MED13L: variants seen among roughly 807,000 people sequenced by gnomAD.
MED13L encodes mediator of RNA polymerase II transcription subunit 13-like.
MED13L carries 7 observed loss-of-function variants against 220.9 expected under a neutral mutation model. That is an observed-to-expected ratio of 0.03 (90% confidence interval 0.02 to 0.06). MED13L has a LOEUF of 0.06. Ranked by LOEUF, MED13L falls within the 10% of genes least tolerant of loss-of-function variation. The probability of loss-of-function intolerance (pLI) is 1.00; values close to 1 mark genes in which losing one functional copy is unlikely to be tolerated. For synonymous variants in MED13L, 1,011 were observed against 1,015.2 expected, an observed-to-expected ratio of 1.00 and a Z score of 0.08; for missense variants, 1,965 against 2,760.5, an observed-to-expected ratio of 0.71 and a Z score of 6.46.
At position 116,226,356 on chromosome 12, in the gene MED13L, CA is replaced by C. The variant is rs1277329955; in HGVS notation, c.310+11111del. Among the ~76,000 whole-genome samples, 4 of 152,156 alleles carry C rather than the reference CA, an allele frequency of 2.6e-5. No individual in the cohort carries two copies. In the East Asian group the frequency reaches 7.7e-4, roughly 29 times the overall value. On this transcript the variant is annotated intron_variant, in intron 2 of 30. Coordinates refer to ENST00000281928, the MANE Select transcript of MED13L (RefSeq NM_015335.5). ...ACAAGACCCAATTATACTAAGAGTG[CA>C]TTTTATCAACGTCGGGTTTATAACA...
At chr12:116,057,498 TTC>T (rs1869076139) in intron 4 of MED13L, among the ~76,000 whole-genome samples, 1 of 151,746 alleles carries the variant, frequency 6.6e-6, no homozygotes, top group African/African-American at 2.4e-5. Context: ...TGGCAGAATA[TTC>T]TGTCATCAGC....
chr12:116,276,586 G>C (rs1873858489), intron 1 of MED13L: 1 of 1,221,506 alleles, frequency 8.2e-7, no homozygotes. Flanking sequence ...CGAAATTGCA[G>C]GTGTCATTAT....
At chr12:116,134,328 A>T (rs1424276050) in intron 2 of MED13L, among the ~76,000 whole-genome samples, 3 of 152,228 alleles carry the variant, frequency 2.0e-5, no homozygotes, top group Admixed American at 6.5e-5. Flanking sequence ...TCATTTTAGA[A>T]AGCACATTAT....
At chr12:116,100,598 C>CAA (rs760855189) in intron 3 of MED13L, among the ~76,000 whole-genome samples, 137 of 67,554 alleles carry the variant, frequency 2.0e-3, no homozygotes, top group East Asian at 4.5e-3. Flanking sequence ...GACTCCGTCT[C>CAA]AAAAAAAAAA....
intron 2 of MED13L, among the ~76,000 whole-genome samples, chr12:116,151,040 G>A (rs1877996373): frequency 6.6e-6 from 1 of 152,032 alleles, no homozygotes; most frequent in Admixed American, 6.6e-5. Flanking sequence ...CTCCCCAGAG[G>A]TCTATCACAA....
At chr12:116,253,770 T>G (rs1019817732) in intron 1 of MED13L, among the ~76,000 whole-genome samples, 2 of 142,192 alleles carry the variant, frequency 1.4e-5, no homozygotes, top group South Asian at 2.3e-4. Flanking sequence ...TTTTTTTTTT[T>G]TTTTTTTTTG....
chr12:115,996,995 T>C lies in MED13L; in HGVS notation c.2790+15A>G. The C allele has an allele frequency of 6.2e-7, 1 of 1,603,094 alleles. No individual in the cohort carries two copies. ...AACTGCTCTGCCCTGGAAATGTTAA[T>C]ATATTGACAACTACCTTAATTTCCT... On this transcript the variant is annotated intron_variant, in intron 15 of 30. Transcript: ENST00000281928.
chr12:116,044,539 AAC>A (rs1881720308), intron 4 of MED13L, among the ~76,000 whole-genome samples: 1 of 152,198 alleles, frequency 6.6e-6, no homozygotes, highest in Admixed American at 6.5e-5. Context: ...AACTCCTAAG[AAC>A]ACACAACAGC....
chr12:116,129,395 C>T (rs573243039), intron 2 of MED13L, among the ~76,000 whole-genome samples: 1 of 152,234 alleles, frequency 6.6e-6, no homozygotes, highest in African/African-American at 2.4e-5. Flanking sequence ...ATCCTTCAGT[C>T]TAGAAAAAGC....
chr12:115,978,427 A>C (rs1877103289), intron 23 of MED13L, among the ~76,000 whole-genome samples: 1 of 151,338 alleles, frequency 6.6e-6, no homozygotes, highest in South Asian at 2.1e-4. Context: ...CATGGATTCA[A>C]GCAATTCTCC....
At chr12:116,158,721 AC>A (rs1220785893) in intron 2 of MED13L, among the ~76,000 whole-genome samples, 16 of 152,326 alleles carry the variant, frequency 1.1e-4, no homozygotes, top group African/African-American at 3.6e-4. Context: ...TGCTCATGTG[AC>A]TAGCATTGTG....
chr12:116,217,603 GC>G (rs1485330976), intron 2 of MED13L, among the ~76,000 whole-genome samples: 1 of 152,114 alleles, frequency 6.6e-6, no homozygotes, highest in East Asian at 1.9e-4. Flanking sequence ...CTTTGAAGAG[GC>G]AAAAACACGA....
chr12:116,038,688 T>G (rs913500197), intron 4 of MED13L, among the ~76,000 whole-genome samples: 1 of 131,762 alleles, frequency 7.6e-6, no homozygotes, highest in African/African-American at 2.9e-5. Context: ...TCCAACATGC[T>G]GCCCTTCATC....
intron 2 of MED13L, among the ~76,000 whole-genome samples, chr12:116,168,790 A>G (rs1879469206): frequency 1.3e-5 from 2 of 152,218 alleles, no homozygotes; most frequent in Non-Finnish European, 2.9e-5. Context: ...GGATCCCTTT[A>G]TAACTCTTAA....
chr12:116,037,687 G>A (rs1460267163), intron 4 of MED13L, among the ~76,000 whole-genome samples: 2 of 152,004 alleles, frequency 1.3e-5, no homozygotes, highest in East Asian at 1.9e-4. Flanking sequence ...TCCCAGCACC[G>A]TAGTGGTATC....
intron 8 of MED13L, among the ~76,000 whole-genome samples, chr12:116,014,605 T>C (rs1033996072): frequency 9.9e-5 from 15 of 152,130 alleles, no homozygotes; most frequent in African/African-American, 3.4e-4. Context: ...GAAAAGAACA[T>C]AATTTTCTCA....
intron 2 of MED13L, among the ~76,000 whole-genome samples, chr12:116,150,866 T>C (rs1877983769): frequency 6.6e-6 from 1 of 152,178 alleles, no homozygotes; most frequent in Non-Finnish European, 1.5e-5. Context: ...ATTTTCTCAA[T>C]CTAAGTTTCT....
At chr12:115,998,521 TG>T (rs2137337725) in intron 14 of MED13L, among the ~76,000 whole-genome samples, 1 of 152,316 alleles carries the variant, frequency 6.6e-6, no homozygotes, top group East Asian at 1.9e-4. Context: ...CTTGGGGCCT[TG>T]GTTCCTTCAT....
intron 4 of MED13L, among the ~76,000 whole-genome samples, chr12:116,078,069 G>A (rs947259167): frequency 3.1e-4 from 47 of 150,888 alleles, no homozygotes; most frequent in African/African-American, 8.1e-4. Context: ...GCTTGAACCC[G>A]GGAGTCAGAG....
Sources: gnomAD v4.1 joint callset for allele counts (sites outside exome capture counted in the v4.1 genomes callset) on GRCh38, gnomAD v4.1.1 for gene constraint, MANE v1.5 for transcripts, NCBI Gene and HGNC (gene_info 2026-07-23, HGNC 2026-07-21) for gene names.